JAKMIP1: variants seen among roughly 807,000 people sequenced by gnomAD.
JAKMIP1 encodes janus kinase and microtubule interacting protein 1, also known as janus kinase and microtubule-interacting protein 1.
JAKMIP1 carries 33 observed loss-of-function variants against 113.0 expected under a neutral mutation model. The ratio of observed to expected loss-of-function variants is 0.29; its 90% CI spans 0.22 to 0.39. The LOEUF (loss-of-function observed/expected upper bound fraction) is 0.39, where lower values mean the gene tolerates loss of function less well. JAKMIP1 is among the 10% of genes least tolerant of loss of function. The probability of loss-of-function intolerance (pLI) is 1.00; values close to 1 mark genes in which losing one functional copy is unlikely to be tolerated. For synonymous variants in JAKMIP1, 480 were observed against 459.9 expected (o/e 1.04, Z -0.56); for missense variants, 813 against 1,080.5 (o/e 0.75, Z 3.47).
rs1253234002 is a variant in JAKMIP1 at position 6,157,699 on chromosome 4, T to C, written c.-148+42554A>G. Among the ~76,000 whole-genome samples the C allele has an allele frequency of 6.6e-6, 1 of 152,134 alleles. No homozygotes were observed. The highest frequency in any genetic ancestry group is 1.5e-5 in the Non-Finnish European group (1 of 68,024). On this transcript the variant is annotated intron_variant, in intron 1 of 20. Transcript: ENST00000409021. This position sits in a 1 kb window ranked among gnomAD's most constrained non-coding sequence, Gnocchi z 4.7. The stretch of plus-strand genomic sequence containing the variant: ...CCCTGCTTTCTCCTGTTTAAACTGG[T>C]GCCAGTTGTCTGTGGTTTCACATTC...
chr4:6,175,236 T>C (rs1725202016), intron 1 of JAKMIP1, among the ~76,000 whole-genome samples: 1 of 151,960 alleles, frequency 6.6e-6, no homozygotes, highest in African/African-American at 2.4e-5. Flanking sequence ...TTAAGGAACC[T>C]CCCCAAAGTC....
chr4:6,171,049 T>C (rs150032612), intron 1 of JAKMIP1, among the ~76,000 whole-genome samples: 122 of 142,640 alleles, frequency 8.6e-4, no homozygotes, highest in African/African-American at 2.9e-3. Flanking sequence ...CTCACCACCA[T>C]CACCATGCTG....
Position 6,040,526 on chromosome 4 carries a change from A to G in JAKMIP1, c.2175+113T>C, listed in dbSNP as rs2108755189. 1.3e-6 allele frequency: 1 copy of G among 742,426 alleles called. No individual in the cohort carries two copies. The highest frequency in any genetic ancestry group is 2.5e-6 in the Non-Finnish European group (1 of 408,022). The allele number at this position is 742,426 out of a possible 1,614,324, so 46.0% of individuals were successfully genotyped here. ...ACAAGGTGGAGATGGCATTTTTATC[A>G]CTCCTGTTTGGCACTGGGGAGCGCC... On this transcript the variant is annotated intron_variant, in intron 18 of 20. Transcript: ENST00000409021. This position sits in a 1 kb window ranked among gnomAD's most constrained non-coding sequence, Gnocchi z 5.8.
At position 6,138,610 on chromosome 4, in the gene JAKMIP1, G is replaced by A. The variant is rs890940686; in HGVS notation, c.-147-25613C>T. On this transcript the variant is annotated intron_variant, in intron 1 of 20. Coordinates refer to ENST00000409021, the MANE Select transcript of JAKMIP1 (RefSeq NM_001099433.2). The surrounding 1 kb of genome is among the most constrained non-coding windows in gnomAD (Gnocchi z 6.0). The stretch of plus-strand genomic sequence containing the variant: ...ACAGAAGCAGAAAACCAAATATTTT[G>A]ACGATGTTAACTACAGACAGACCCT... 2.0e-5 allele frequency among the ~76,000 whole-genome samples: 3 copies of A among 152,108 alleles called. No individual in the cohort carries two copies. The highest frequency in any genetic ancestry group is 7.2e-5 in the African/African-American group (3 of 41,384).
Position 6,085,584 on chromosome 4 carries a change from T to G in JAKMIP1, c.670A>C (p.Lys224Gln). ...GKDRVILALE[K>Q]ELGVQAGQTQ... ...TGCCCAGCCTGCACGCCAAGTTCCT[T>G]CTCCAAGGCCAGAATCACACGGTCT... The change falls in exon 4 of 21, where the codon AAG becomes CAG. Residue 224 changes from lysine to glutamine, a missense_variant. By Grantham distance (53) the Lys-to-Gln change is moderately conservative. This residue lies in a region of JAKMIP1 where 540 missense variants were observed against 653.9 expected (regional missense o/e 0.83). Transcript: ENST00000409021. 6.2e-7 allele frequency: 1 copy of G among 1,614,186 alleles called. No homozygotes were observed. Among genetic ancestry groups the G allele is most frequent in the Non-Finnish European group, 8.5e-7 (1 of 1,180,042 alleles).
At chr4:6,120,602 G>A (rs1056516840) in intron 1 of JAKMIP1, among the ~76,000 whole-genome samples, 1 of 152,212 alleles carries the variant, frequency 6.6e-6, no homozygotes, top group Non-Finnish European at 1.5e-5. Flanking sequence ...GATGGGGAAT[G>A]TGCTTCTCAT....
At position 6,129,456 on chromosome 4, in the gene JAKMIP1, C is replaced by A. The variant is rs899054364; in HGVS notation, c.-147-16459G>T. Reference sequence around the variant, plus strand: ...CTCTATGATCTACAAGGTTTGAGATCACATTGAAGTCGACTGGTTAAACAC... The same window carrying A: ...CTCTATGATCTACAAGGTTTGAGATAACATTGAAGTCGACTGGTTAAACAC... On this transcript the variant is annotated intron_variant, in intron 1 of 20. Coordinates refer to ENST00000409021, the MANE Select transcript of JAKMIP1 (RefSeq NM_001099433.2). The surrounding 1 kb of genome is among the most constrained non-coding windows in gnomAD (Gnocchi z 5.4). Among the ~76,000 whole-genome samples, 1 of 152,140 alleles carries A rather than the reference C, an allele frequency of 6.6e-6. No individual in the cohort carries two copies. Among genetic ancestry groups the A allele is most frequent in the African/African-American group, 2.4e-5 (1 of 41,424 alleles).
At chr4:6,072,254 AC>A (rs1220705197) in intron 8 of JAKMIP1, among the ~76,000 whole-genome samples, 1 of 151,970 alleles carries the variant, frequency 6.6e-6, no homozygotes, top group East Asian at 1.9e-4. Context: ...TAAATATTGA[AC>A]CCCTCAAAAT....
chr4:6,107,461 A>C (rs530067030), intron 2 of JAKMIP1, among the ~76,000 whole-genome samples: 1 of 152,258 alleles, frequency 6.6e-6, no homozygotes, highest in East Asian at 1.9e-4. Flanking sequence ...TGTGGCTGTG[A>C]AGGTACATTT....
Position 6,197,135 on chromosome 4 carries a change from C to T in JAKMIP1, c.-148+3118G>A, listed in dbSNP as rs900399999. 6.6e-6 allele frequency among the ~76,000 whole-genome samples: 1 copy of T among 152,134 alleles called. No individual in the cohort carries two copies. Among genetic ancestry groups the T allele is most frequent in the Non-Finnish European group, 1.5e-5 (1 of 68,020 alleles). ...GAGGTTAAGTGCTGATATTTCCTTA[C>T]GTGGCCCTCATTCCCCTTATCCAGA... On this transcript the variant is annotated intron_variant, in intron 1 of 20. Coordinates refer to ENST00000409021, the MANE Select transcript of JAKMIP1 (RefSeq NM_001099433.2). This position sits in a 1 kb window ranked among gnomAD's most constrained non-coding sequence, Gnocchi z 6.5.
At position 6,158,523 on chromosome 4, in the gene JAKMIP1, C is replaced by T. The variant is rs1417118722; in HGVS notation, c.-148+41730G>A. On this transcript the variant is annotated intron_variant, in intron 1 of 20. Transcript: ENST00000409021. The surrounding 1 kb of genome is among the most constrained non-coding windows in gnomAD (Gnocchi z 5.3). Reference sequence around the variant, plus strand: ...GGGCTGGGGCTTGGGTTTGAAGTCACAGGTGGAACATGATTCACTGGAAAG... The same window carrying T: ...GGGCTGGGGCTTGGGTTTGAAGTCATAGGTGGAACATGATTCACTGGAAAG... 6.6e-6 allele frequency among the ~76,000 whole-genome samples: 1 copy of T among 152,080 alleles called. No individual in the cohort carries two copies. Among genetic ancestry groups the T allele is most frequent in the Non-Finnish European group, 1.5e-5 (1 of 68,016 alleles).
At chr4:6,030,148 G>T (rs1712415081) in intron 19 of JAKMIP1, among the ~76,000 whole-genome samples, 1 of 152,120 alleles carries the variant, frequency 6.6e-6, no homozygotes, top group Non-Finnish European at 1.5e-5. Context: ...ACCAAAACAT[G>T]TAGGCACCCT....
Position 6,137,256 on chromosome 4 carries a change from C to T in JAKMIP1, c.-147-24259G>A, listed in dbSNP as rs893019651. On this transcript the variant is annotated intron_variant, in intron 1 of 20. Coordinates refer to ENST00000409021, the MANE Select transcript of JAKMIP1 (RefSeq NM_001099433.2). This position sits in a 1 kb window ranked among gnomAD's most constrained non-coding sequence, Gnocchi z 4.5. ...GTGCTATGCCAGGTCCTGGCTTCCC[C>T]GTGCCAGCAGCCGGGCTCACCAGGG... Among the ~76,000 whole-genome samples the T allele has an allele frequency of 9.2e-5, 14 of 152,290 alleles. No individual in the cohort carries two copies. The highest frequency in any genetic ancestry group is 7.7e-4 in the East Asian group (4 of 5,170).
chr4:6,102,722 CTTTTTT>C (rs1191358910), intron 3 of JAKMIP1, among the ~76,000 whole-genome samples: 5 of 50,820 alleles, frequency 9.8e-5, no homozygotes, highest in Admixed American at 3.6e-4. Context: ...TCTCTAAAGA[CTTTTTT>C]TTTTTTTTTT....
At chr4:6,068,862 GC>G (rs1351655916) in intron 8 of JAKMIP1, among the ~76,000 whole-genome samples, 3 of 152,128 alleles carry the variant, frequency 2.0e-5, no homozygotes, top group Non-Finnish European at 4.4e-5. Context: ...GAGCCATCAT[GC>G]CCAGCCTTAA....
rs368674527 is a variant in JAKMIP1 at position 6,136,072 on chromosome 4, C to T, written c.-147-23075G>A. ...ATCAGCCTGGCGAACAGGGTGAAAC[C>T]CCATCTCTACTAAAGATACAAAAAT... On this transcript the variant is annotated intron_variant, in intron 1 of 20. Transcript: ENST00000409021. This position sits in a 1 kb window ranked among gnomAD's most constrained non-coding sequence, Gnocchi z 5.9. 4.6e-5 allele frequency among the ~76,000 whole-genome samples: 7 copies of T among 152,004 alleles called. No homozygotes were observed. Among genetic ancestry groups the T allele is most frequent in the South Asian group, 2.1e-4 (1 of 4,812 alleles).
rs35192547 is a variant in JAKMIP1, at chr4:6,152,789, A to AATATATATATATAT, written c.-147-39806_-147-39793dup. 1.6e-3 allele frequency among the ~76,000 whole-genome samples: 223 copies of AATATATATATATAT among 135,232 alleles called. 4 individuals are homozygous for AATATATATATATAT. The highest frequency in any genetic ancestry group is 6.0e-3 in the African/African-American group (209 of 34,880). The allele number at this position is 135,232 out of a possible 152,430, so 88.7% of individuals were successfully genotyped here. On this transcript the variant is annotated intron_variant, in intron 1 of 20. Coordinates refer to ENST00000409021, the MANE Select transcript of JAKMIP1 (RefSeq NM_001099433.2). ...AAACTCTGTCTCTACTAAAAATACA[A>AATATATATATATAT]ATATATATATATATATATATACATA...
intron 20 of JAKMIP1, among the ~76,000 whole-genome samples, chr4:6,028,423 G>A (rs1405256011): frequency 6.6e-6 from 1 of 152,228 alleles, no homozygotes; most frequent in Non-Finnish European, 1.5e-5. Flanking sequence ...CTCCAGCAGA[G>A]ATGGGAAGGT....
chr4:6,167,937 C>T lies in JAKMIP1; in HGVS notation c.-148+32316G>A, dbSNP rs988008436. ...GCTGCACCAGTGAGACTTTGTCTCC[C>T]AGAGCTGACAGCATGCAGACAATGA... is the stretch of plus-strand genomic sequence containing the variant. On this transcript the variant is annotated intron_variant, in intron 1 of 20. Coordinates refer to ENST00000409021, the MANE Select transcript of JAKMIP1 (RefSeq NM_001099433.2). This position sits in a 1 kb window ranked among gnomAD's most constrained non-coding sequence, Gnocchi z 5.3. 3.3e-5 allele frequency among the ~76,000 whole-genome samples: 5 copies of T among 152,198 alleles called. No individual in the cohort carries two copies. Among genetic ancestry groups the T allele is most frequent in the Non-Finnish European group, 4.4e-5 (3 of 68,026 alleles).
Sources: allele counts gnomAD v4.1 joint callset (sites outside exome capture counted in the v4.1 genomes callset), GRCh38; gene constraint gnomAD v4.1.1; regional missense constraint gnomAD v4.1.1; non-coding constraint Gnocchi (gnomAD v3.1); transcripts MANE v1.5; gene names NCBI Gene and HGNC (gene_info 2026-07-23, HGNC 2026-07-21).